The following CHST9 variants were observed in gnomAD, a reference collection of about 807,000 sequenced individuals.
CHST9 encodes GalNAc-4-sulfotransferase 2.
Under a neutral mutation model 44.4 loss-of-function variants are expected in CHST9, and 41 were observed. The observed-to-expected ratio is 0.92, with a 90% CI of 0.72 to 1.20. CHST9 has a LOEUF of 1.20. Among genes scored for constraint, CHST9 ranks in the 50% most tolerant of loss-of-function variants. CHST9 has a pLI of 0.00. For synonymous variants in CHST9, 171 were observed against 178.4 expected, an observed-to-expected ratio of 0.96 and a Z score of 0.33; for missense variants, 504 against 516.5, an observed-to-expected ratio of 0.98 and a Z score of 0.23.
intron 2 of CHST9, among the ~76,000 whole-genome samples, chr18:27,131,181 TTAAAA>T (rs1314504422): frequency 6.6e-6 from 1 of 152,202 alleles, no homozygotes; most frequent in East Asian, 1.9e-4. Flanking sequence ...CTCTGTAAAC[TTAAAA>T]TAAAATCCTA....
chr18:27,134,800 C>T (rs539770717), intron 2 of CHST9, among the ~76,000 whole-genome samples: 2 of 152,024 alleles, frequency 1.3e-5, no homozygotes, highest in Admixed American at 1.3e-4. Flanking sequence ...TAAATTCAGA[C>T]ATTGTACTTA....
At chr18:27,004,244 G>T (rs1003485505) in intron 4 of CHST9, among the ~76,000 whole-genome samples, 1 of 151,930 alleles carries the variant, frequency 6.6e-6, no homozygotes, top group East Asian at 1.9e-4. Context: ...CCTCAGGCGA[G>T]GATTAAGGAG....
intron 2 of CHST9, among the ~76,000 whole-genome samples, chr18:27,121,883 T>C (rs2058377476): frequency 6.6e-6 from 1 of 152,234 alleles, no homozygotes; most frequent in Non-Finnish European, 1.5e-5. Context: ...TATTTATTAG[T>C]TTAACTTACT....
At position 26,998,943 on chromosome 18, in the gene CHST9, C is replaced by T. The variant is rs146401047; in HGVS notation, c.202+25173G>A. 3.8e-3 allele frequency among the ~76,000 whole-genome samples: 581 copies of T among 152,254 alleles called. 2 individuals carry two copies. Among genetic ancestry groups the T allele is most frequent in the African/African-American group, 0.014 (564 of 41,556 alleles). On this transcript the variant is annotated intron_variant, in intron 4 of 5. Coordinates refer to ENST00000618847, the MANE Select transcript of CHST9 (RefSeq NM_031422.6). ...CAGTGAGGTGCGTTGTCCATGGCAC[C>T]GATGGGTTTTTCTCTGGGTAGCAGG...
At position 27,183,611 on chromosome 18, in the gene CHST9, T is replaced by C. The variant is rs143591734; in HGVS notation, c.-97+1525A>G. Among the ~76,000 whole-genome samples, 289 of 152,304 alleles carry C rather than the reference T, an allele frequency of 1.9e-3. 1 individual carries two copies. Among genetic ancestry groups the C allele is most frequent in the African/African-American group, 6.6e-3 (274 of 41,544 alleles). ...TGTGTGCTATTTCTTATTGACGATA[T>C]GCAATCTAAATGTTTTCCATATGAT... On this transcript the variant is annotated intron_variant, in intron 1 of 5. Coordinates refer to ENST00000618847, the MANE Select transcript of CHST9 (RefSeq NM_031422.6).
At chr18:27,133,179 G>A (rs1246988868) in intron 2 of CHST9, among the ~76,000 whole-genome samples, 2 of 152,158 alleles carry the variant, frequency 1.3e-5, no homozygotes, top group Non-Finnish European at 2.9e-5. Flanking sequence ...TTGTAATATG[G>A]CAGTTCCTGG....
At chr18:27,064,076 G>T (rs527734404) in intron 2 of CHST9, among the ~76,000 whole-genome samples, 23 of 152,102 alleles carry the variant, frequency 1.5e-4, no homozygotes, top group Admixed American at 1.5e-3. Flanking sequence ...AAGCTCTGTT[G>T]TGACACTGCT....
chr18:27,090,319 T>C (rs1310636840), intron 2 of CHST9, among the ~76,000 whole-genome samples: 1 of 152,214 alleles, frequency 6.6e-6, no homozygotes, highest in African/African-American at 2.4e-5. Flanking sequence ...TAAATTTGCT[T>C]GAGTTCTTTG....
Position 27,118,830 on chromosome 18 carries a change from TA to T in CHST9, c.121+23858del, listed in dbSNP as rs1383741031. On this transcript the variant is annotated intron_variant, in intron 2 of 5. Coordinates refer to ENST00000618847, the MANE Select transcript of CHST9 (RefSeq NM_031422.6). ...CTTGCCAGAATGGCCACTATTCCTC[TA>T]ACTTTTCCTTTTCCATCACCCACCG... Among the ~76,000 whole-genome samples, 3 of 152,222 alleles carry T rather than the reference TA, an allele frequency of 2.0e-5. No homozygotes were observed. In the South Asian group the frequency reaches 6.2e-4, roughly 32 times the overall value.
intron 5 of CHST9, chr18:26,924,756 C>T (rs1470547537): frequency 6.5e-6 from 1 of 154,218 alleles, no homozygotes; most frequent in East Asian, 1.9e-4. Context: ...AATCTTGATT[C>T]CAGGGCTTCA....
At chr18:27,111,632 C>A (rs970434197) in intron 2 of CHST9, among the ~76,000 whole-genome samples, 3 of 152,214 alleles carry the variant, frequency 2.0e-5, no homozygotes, top group African/African-American at 7.2e-5. Context: ...GAATTGCTGT[C>A]TGTGATGATT....
intron 2 of CHST9, among the ~76,000 whole-genome samples, chr18:27,087,835 G>A (rs1006044772): frequency 2.0e-5 from 3 of 152,188 alleles, no homozygotes; most frequent in African/African-American, 7.2e-5. Context: ...ATCTGTAAGG[G>A]AAATGAGAGC....
At chr18:27,024,040 G>C in intron 4 of CHST9, 76 bp downstream of exon 4, 2 of 1,393,814 alleles carry the variant, frequency 1.4e-6, no homozygotes, top group South Asian at 1.2e-5. Flanking sequence ...ACACTCTGAG[G>C]TTTTCAGATA....
At chr18:27,077,774 A>G (rs765625) in intron 2 of CHST9, among the ~76,000 whole-genome samples, 8,752 of 152,236 alleles carry the variant, frequency 0.057, 528 homozygotes, top group African/African-American at 0.16. Context: ...AAAAATATAC[A>G]AATTGTATTA....
chr18:27,102,865 T>C (rs2058187238), intron 2 of CHST9, among the ~76,000 whole-genome samples: 1 of 152,202 alleles, frequency 6.6e-6, no homozygotes. Flanking sequence ...AACACTTTTT[T>C]TTTTCTGTAT....
In CHST9 at chr18:26,917,360, T is replaced by G; in HGVS notation, c.241-10A>C. 1 of 1,603,678 alleles carries G rather than the reference T, an allele frequency of 6.2e-7. No individual in the cohort carries two copies. Among genetic ancestry groups the G allele is most frequent in the South Asian group, 1.1e-5 (1 of 89,580 alleles). On this transcript the variant is annotated splice_polypyrimidine_tract_variant and intron_variant, in intron 5 of 5. Coordinates refer to ENST00000618847, the MANE Select transcript of CHST9 (RefSeq NM_031422.6). ...TGTGAAACTTGGGGTTCTGTTAAAA[T>G]AAAGAAGGAGAAATGTTGAAAGCAC...
chr18:27,133,176 A>G (rs554421179), intron 2 of CHST9, among the ~76,000 whole-genome samples: 1 of 152,330 alleles, frequency 6.6e-6, no homozygotes, highest in African/African-American at 2.4e-5. Context: ...ACATTGTAAT[A>G]TGGCAGTTCC....
intron 2 of CHST9, among the ~76,000 whole-genome samples, chr18:27,064,767 G>A (rs1474025769): frequency 6.6e-6 from 1 of 152,032 alleles, no homozygotes; most frequent in African/African-American, 2.4e-5. Context: ...ACACTGCTTG[G>A]GGTGAGGCTG....
intron 2 of CHST9, among the ~76,000 whole-genome samples, chr18:27,102,390 A>G (rs552010189): frequency 6.6e-6 from 1 of 152,326 alleles, no homozygotes; most frequent in Non-Finnish European, 1.5e-5. Context: ...TTGAGAAACA[A>G]GGGCTGTGAT....
Sources: gnomAD v4.1 joint callset for allele counts (sites outside exome capture counted in the v4.1 genomes callset) on GRCh38, gnomAD v4.1.1 for gene constraint, MANE v1.5 for transcripts, NCBI Gene and HGNC (gene_info 2026-07-23, HGNC 2026-07-21) for gene names.